The following KCNH5 variants were observed in gnomAD, a reference collection of about 807,000 sequenced individuals.
KCNH5 encodes the protein potassium voltage-gated channel subfamily H member 5, also known as voltage-gated delayed rectifier potassium channel KCNH5.
In KCNH5, 46 loss-of-function variants were observed where a neutral mutation model predicts 96.1. The observed-to-expected ratio is 0.48, with a 90% CI of 0.38 to 0.61. The LOEUF is 0.61. Ranked by LOEUF, KCNH5 falls within the 20% of genes least tolerant of loss-of-function variation. The pLI is 0.00. For synonymous variants in KCNH5, 439 were observed against 449.8 expected, an observed-to-expected ratio of 0.98 and a Z score of 0.30; for missense variants, 907 against 1,225.8, an observed-to-expected ratio of 0.74 and a Z score of 3.88.
chr14:62,956,355 G>T (rs1890104086), intron 6 of KCNH5, among the ~76,000 whole-genome samples: 1 of 152,074 alleles, frequency 6.6e-6, no homozygotes, highest in Non-Finnish European at 1.5e-5. Context: ...GTTGGGAGAG[G>T]GGCAGTGATT....
At chr14:62,970,763 T>C (rs1288121146) in intron 6 of KCNH5, among the ~76,000 whole-genome samples, 1 of 152,066 alleles carries the variant, frequency 6.6e-6, no homozygotes, top group Non-Finnish European at 1.5e-5. Flanking sequence ...ATCATATCAA[T>C]GGATGTAGAT....
chr14:62,982,699 T>C (rs1217404116), intron 5 of KCNH5, among the ~76,000 whole-genome samples: 1 of 152,226 alleles, frequency 6.6e-6, no homozygotes, highest in Admixed American at 6.5e-5. Context: ...ATACAGAACT[T>C]ACATATCTGA....
At chr14:62,710,021 TTCTC>T (rs1261392806) in intron 10 of KCNH5, among the ~76,000 whole-genome samples, 3 of 152,280 alleles carry the variant, frequency 2.0e-5, no homozygotes, top group African/African-American at 4.8e-5. Flanking sequence ...CATACGTTGG[TTCTC>T]TCTCCTTGAA....
At chr14:62,824,057 T>G (rs968396728) in intron 8 of KCNH5, among the ~76,000 whole-genome samples, 1 of 151,360 alleles carries the variant, frequency 6.6e-6, no homozygotes, top group Non-Finnish European at 1.5e-5. Context: ...CAGAAAAACA[T>G]CCAGGATTTA....
At chr14:63,034,303 T>C (rs1891683120) in intron 1 of KCNH5, among the ~76,000 whole-genome samples, 1 of 152,226 alleles carries the variant, frequency 6.6e-6, no homozygotes, top group Non-Finnish European at 1.5e-5. Flanking sequence ...TGGAAAAATC[T>C]GAAGCATATA....
chr14:62,965,370 A>G (rs1280009192), intron 6 of KCNH5, among the ~76,000 whole-genome samples: 1 of 152,080 alleles, frequency 6.6e-6, no homozygotes, highest in Non-Finnish European at 1.5e-5. Flanking sequence ...ATTCATTCTT[A>G]AAGGAATGGA....
At chr14:62,751,316 T>A (rs897460251) in intron 10 of KCNH5, among the ~76,000 whole-genome samples, 1 of 151,924 alleles carries the variant, frequency 6.6e-6, no homozygotes, top group African/African-American at 2.4e-5. Context: ...AGTTTTGGGG[T>A]AAGAGAGGCC....
At chr14:62,823,788 T>C (rs1887162103) in intron 8 of KCNH5, among the ~76,000 whole-genome samples, 1 of 152,058 alleles carries the variant, frequency 6.6e-6, no homozygotes. Context: ...AGAATTACTA[T>C]TATATTTCTC....
Position 62,992,263 on chromosome 14 carries a change from T to A in KCNH5, c.434-5076A>T, listed in dbSNP as rs79455069. On this transcript the variant is annotated intron_variant, in intron 4 of 10. Coordinates refer to ENST00000322893, the MANE Select transcript of KCNH5 (RefSeq NM_139318.5). The stretch of plus-strand genomic sequence containing the variant: ...AATTAGATTGATTCTATCTTTGCAA[T>A]TGTGAATAGTGCTGCAATAAACATA... 5.9e-5 allele frequency among the ~76,000 whole-genome samples: 9 copies of A among 152,098 alleles called. No homozygotes were observed. In the East Asian group the frequency reaches 1.5e-3, roughly 26 times the overall value.
chr14:62,989,687 A>ACT (rs1454021430), intron 4 of KCNH5, among the ~76,000 whole-genome samples: 1 of 152,004 alleles, frequency 6.6e-6, no homozygotes, highest in Non-Finnish European at 1.5e-5. Context: ...TATAATAGCC[A>ACT]CTCTTGCTAA....
intron 9 of KCNH5, among the ~76,000 whole-genome samples, chr14:62,780,137 T>C (rs1364198757): frequency 2.6e-5 from 4 of 152,128 alleles, no homozygotes; most frequent in East Asian, 1.9e-4. Flanking sequence ...AAATCTGGAG[T>C]GGCATGAATA....
chr14:62,814,785 A>AAAAAAAAAAAAAC (rs1886943335), intron 8 of KCNH5, among the ~76,000 whole-genome samples: 1 of 128,886 alleles, frequency 7.8e-6, no homozygotes, highest in African/African-American at 2.7e-5. Flanking sequence ...TCCATCTCAA[A>AAAAAAAAAAAAAC]AAAAAAAAAA....
intron 7 of KCNH5, among the ~76,000 whole-genome samples, chr14:62,921,065 A>G (rs1471234960): frequency 6.6e-6 from 1 of 152,124 alleles, no homozygotes; most frequent in Non-Finnish European, 1.5e-5. Context: ...GCTATCCCAA[A>G]GTACTTTCCT....
intron 1 of KCNH5, among the ~76,000 whole-genome samples, chr14:63,036,547 T>C (rs1891725609): frequency 6.6e-6 from 1 of 151,870 alleles, no homozygotes; most frequent in African/African-American, 2.4e-5. Flanking sequence ...ATAAATTCTA[T>C]TCTGCCTACA....
At chr14:62,910,899 CCACACACACA>C (rs1555363113) in intron 7 of KCNH5, among the ~76,000 whole-genome samples, 20 of 140,364 alleles carry the variant, frequency 1.4e-4, no homozygotes, top group African/African-American at 4.3e-4. Flanking sequence ...TGTGCATACA[CCACACACACA>C]CACACACACA....
chr14:62,793,848 T>C (rs998685042), intron 9 of KCNH5, among the ~76,000 whole-genome samples: 6 of 151,836 alleles, frequency 4.0e-5, no homozygotes, highest in African/African-American at 1.4e-4. Context: ...GAAGTAAGTG[T>C]ATACAGATCA....
intron 1 of KCNH5, among the ~76,000 whole-genome samples, chr14:63,037,334 C>T (rs1308865136): frequency 1.3e-5 from 2 of 152,050 alleles, no homozygotes; most frequent in African/African-American, 4.8e-5. Flanking sequence ...ACAGGAGAAA[C>T]ATTGTTTTTG....
intron 7 of KCNH5, among the ~76,000 whole-genome samples, chr14:62,880,234 A>G (rs561650651): frequency 5.3e-5 from 8 of 152,334 alleles, no homozygotes; most frequent in Non-Finnish European, 8.8e-5. Context: ...CAGTGGCACT[A>G]GAAAAGACAG....
At chr14:62,813,380 CT>C (rs1886910542) in intron 8 of KCNH5, among the ~76,000 whole-genome samples, 1 of 152,068 alleles carries the variant, frequency 6.6e-6, no homozygotes, top group South Asian at 2.1e-4. Flanking sequence ...ATTAATGAAG[CT>C]ATAACAAATT....
Sources: gnomAD v4.1 joint callset for allele counts (sites outside exome capture counted in the v4.1 genomes callset) on GRCh38, gnomAD v4.1.1 for gene constraint, MANE v1.5 for transcripts, NCBI Gene and HGNC (gene_info 2026-07-23, HGNC 2026-07-21) for gene names.